DNAJC13: variants seen among roughly 807,000 people sequenced by gnomAD.
The protein encoded by DNAJC13 is DnaJ heat shock protein family (Hsp40) member C13.
Under a neutral mutation model 290.5 loss-of-function variants are expected in DNAJC13, and 75 were observed. The observed-to-expected ratio is 0.26, with a 90% CI of 0.21 to 0.31. DNAJC13 has a LOEUF of 0.31. DNAJC13 is among the 10% of genes least tolerant of loss of function. DNAJC13 has a pLI of 1.00. For synonymous variants in DNAJC13, 862 were observed against 892.0 expected, an observed-to-expected ratio of 0.97 and a Z score of 0.60; for missense variants, 2,260 against 2,674.5, an observed-to-expected ratio of 0.85 and a Z score of 3.42.
At chr3:132,507,467 G>C in intron 43 of DNAJC13, 114 bp downstream of exon 43, 1 of 666,634 alleles carries the variant, frequency 1.5e-6, no homozygotes, top group Non-Finnish European at 2.5e-6. Context: ...TTTCTTTACT[G>C]TGCTGCTTTT....
rs537346327 is a variant in DNAJC13 at position 132,486,247 on chromosome 3, T to A, written c.3267+1575T>A. On this transcript the variant is annotated intron_variant, in intron 29 of 55. Coordinates refer to ENST00000260818, the MANE Select transcript of DNAJC13 (RefSeq NM_015268.4). ...TAAACTATTACCACATCCCCTTTCC[T>A]GTGGGGCCATGTGGCTGCATATGTG... 6.6e-5 allele frequency among the ~76,000 whole-genome samples: 10 copies of A among 152,170 alleles called. No homozygotes were observed. In the South Asian group the frequency reaches 2.1e-3, roughly 32 times the overall value.
chr3:132,506,178 G>C (rs943649859), intron 42 of DNAJC13, among the ~76,000 whole-genome samples: 1 of 146,236 alleles, frequency 6.8e-6, no homozygotes, highest in African/African-American at 2.5e-5. Flanking sequence ...TCAGCTTCTC[G>C]AGTAGCTGGG....
At chr3:132,446,650 T>G in intron 3 of DNAJC13, 100 bp downstream of exon 3, 1 of 716,970 alleles carries the variant, frequency 1.4e-6, no homozygotes, top group Non-Finnish European at 2.3e-6. Flanking sequence ...TACTTGAAGA[T>G]AGAAATGTCA....
intron 2 of DNAJC13, among the ~76,000 whole-genome samples, chr3:132,439,335 G>A (rs1389076929): frequency 2.0e-5 from 3 of 152,114 alleles, no homozygotes; most frequent in Non-Finnish European, 4.4e-5. Flanking sequence ...TTATATGTAG[G>A]AATGGAGTTC....
intron 30 of DNAJC13, 71 bp from the exon 31 acceptor site, chr3:132,488,905 C>T: frequency 8.5e-7 from 1 of 1,174,150 alleles, no homozygotes; most frequent in South Asian, 1.3e-5. Context: ...AAGATCTAGT[C>T]TTTAGAAAAC....
Position 132,492,502 on chromosome 3 carries a change from C to T in DNAJC13, c.3712C>T (p.Pro1238Ser). Reference sequence around the variant, plus strand: ...CACAAGAGCACTTTATCAGTATTGCCCCATTCCTATAATCAACTATCCACA... The same window carrying T: ...CACAAGAGCACTTTATCAGTATTGCTCCATTCCTATAATCAACTATCCACA... ...SNTRALYQYCPIPIINYPQLE... is the reference protein window; with the variant it reads ...SNTRALYQYCSIPIINYPQLE... Residue 1238 changes from proline (P) to serine (S), a missense_variant, in exon 33 of 56, where the codon CCC (proline) becomes TCC (serine). By Grantham distance (74) the Pro-to-Ser change is moderately conservative. This residue lies in a region of DNAJC13 where 1,494 missense variants were observed against 1,693.7 expected (regional missense o/e 0.88). Coordinates refer to ENST00000260818, the MANE Select transcript of DNAJC13 (RefSeq NM_015268.4). 1 of 1,613,814 alleles carries T rather than the reference C, an allele frequency of 6.2e-7. No individual in the cohort carries two copies. Among genetic ancestry groups the T allele is most frequent in the Non-Finnish European group, 8.5e-7 (1 of 1,179,830 alleles).
chr3:132,458,801 T>A (rs1410789803), intron 13 of DNAJC13, among the ~76,000 whole-genome samples: 1 of 152,186 alleles, frequency 6.6e-6, no homozygotes. Context: ...GGAGCTTTCT[T>A]ATTCCTGAAG....
chr3:132,418,390 A>G (rs148880902), intron 1 of DNAJC13, among the ~76,000 whole-genome samples: 104 of 152,276 alleles, frequency 6.8e-4, no homozygotes, highest in African/African-American at 2.4e-3. Flanking sequence ...TAGGACTTAG[A>G]CGCTCAGTGA....
chr3:132,436,952 C>T (rs180899578), intron 2 of DNAJC13, among the ~76,000 whole-genome samples: 1 of 150,266 alleles, frequency 6.7e-6, no homozygotes, highest in East Asian at 2.0e-4. Flanking sequence ...GATCTCGGCT[C>T]ACTGCAACCT....
At chr3:132,430,101 C>T (rs1939202482) in intron 1 of DNAJC13, among the ~76,000 whole-genome samples, 2 of 152,078 alleles carry the variant, frequency 1.3e-5, no homozygotes, top group South Asian at 4.1e-4. Flanking sequence ...TGGTAGTTTA[C>T]TTTTATCTTA....
In DNAJC13 at chr3:132,516,883, C is replaced by T. The variant is rs1171668367; in HGVS notation, c.5673+67C>T. On this transcript the variant is annotated intron_variant, in intron 48 of 55. Coordinates refer to ENST00000260818, the MANE Select transcript of DNAJC13 (RefSeq NM_015268.4). ...AGCATTGTTACTTTGATACTGATTT[C>T]AAGAAGTTTACTGAAATCTGAGATG... 4.6e-6 allele frequency: 6 copies of T among 1,301,816 alleles called. No individual in the cohort carries two copies. In the East Asian group the frequency reaches 1.5e-4, roughly 32 times the overall value. The allele number at this position is 1,301,816 out of a possible 1,614,324, so 80.6% of individuals were successfully genotyped here.
intron 20 of DNAJC13, among the ~76,000 whole-genome samples, chr3:132,470,885 G>A (rs1934208743): frequency 1.5e-5 from 2 of 133,100 alleles, no homozygotes; most frequent in Admixed American, 1.4e-4. Context: ...CCGGCCGGGC[G>A]GGGGGCTGAC....
chr3:132,447,984 T>C, intron 5 of DNAJC13, 45 bp downstream of exon 5: 1 of 1,291,446 alleles, frequency 7.7e-7, no homozygotes, highest in African/African-American at 1.5e-5. Context: ...GTTCAAATGT[T>C]GCCCTTTATT....
At chr3:132,430,265 C>T (rs1268166636) in intron 1 of DNAJC13, among the ~76,000 whole-genome samples, 2 of 151,712 alleles carry the variant, frequency 1.3e-5, no homozygotes, top group Non-Finnish European at 2.9e-5. Flanking sequence ...GTTCTATAAC[C>T]CCAAATCAGT....
In DNAJC13 at chr3:132,503,382, G is replaced by A. The variant is rs770044993; in HGVS notation, c.4884+1G>A. The A allele has an allele frequency of 1.2e-6, 2 of 1,613,900 alleles. No homozygotes were observed. The highest frequency in any genetic ancestry group is 2.2e-5 in the East Asian group (1 of 44,876). ...ACTTGCTGTGGCTAGTGTGACTGAG[G>A]TATGTGCTTCACAGGTAGCCTGGGT... On this transcript the variant is annotated splice_donor_variant, in intron 41 of 55. Transcript: ENST00000260818. LOFTEE classifies it high-confidence loss of function.
Position 132,479,274 on chromosome 3 carries a change from G to A in DNAJC13, c.2757G>A (p.Lys919=), listed in dbSNP as rs1934581762. Reference sequence around the variant, plus strand: ...ATAGGTTGATTCTCTTCCTTAACAAGTTGATCCTTAATAAGGTACAGTAGT... The same window carrying A: ...ATAGGTTGATTCTCTTCCTTAACAAATTGATCCTTAATAAGGTACAGTAGT... ...ERDRLILFLN[K]LILNKKNVKD... Residue 919 remains lysine (K), a synonymous_variant, in exon 25 of 56, where the codon AAG becomes AAA. Coordinates refer to ENST00000260818, the MANE Select transcript of DNAJC13 (RefSeq NM_015268.4). 6.2e-7 allele frequency: 1 copy of A among 1,605,374 alleles called. No individual in the cohort carries two copies.
At chr3:132,510,805 G>A (rs149103198) in intron 43 of DNAJC13, among the ~76,000 whole-genome samples, 70 of 152,026 alleles carry the variant, frequency 4.6e-4, no homozygotes, top group African/African-American at 1.5e-3. Context: ...CTGTTACTTC[G>A]ATTGATAAAG....
chr3:132,441,206 T>C (rs1296377516), intron 2 of DNAJC13, among the ~76,000 whole-genome samples: 1 of 152,232 alleles, frequency 6.6e-6, no homozygotes, highest in African/African-American at 2.4e-5. Flanking sequence ...GAATTAGGTA[T>C]GCTCTGTGTG....
chr3:132,499,413 ATTT>A, intron 37 of DNAJC13, 103 bp downstream of exon 37: 1 of 992,370 alleles, frequency 1.0e-6, no homozygotes, highest in East Asian at 2.5e-5. Flanking sequence ...TCTTTAATTT[ATTT>A]CAGCAGATAA....
Sources: allele counts gnomAD v4.1 joint callset (sites outside exome capture counted in the v4.1 genomes callset), GRCh38; gene constraint gnomAD v4.1.1; regional missense constraint gnomAD v4.1.1; transcripts MANE v1.5; gene names NCBI Gene and HGNC (gene_info 2026-07-23, HGNC 2026-07-21).